The following SCARA5 variants were observed in gnomAD, a reference collection of about 807,000 sequenced individuals.
SCARA5 encodes the protein scavenger receptor class A, member 5 (putative).
In SCARA5, 45 loss-of-function variants were observed where a neutral mutation model predicts 46.3. The observed-to-expected ratio is 0.97, with a 90% CI of 0.76 to 1.24. SCARA5 has a LOEUF of 1.24. Among genes scored for constraint, SCARA5 ranks in the 50% most tolerant of loss-of-function variants. The probability of loss-of-function intolerance (pLI) is 0.00; values close to 1 mark genes in which losing one functional copy is unlikely to be tolerated. For synonymous variants in SCARA5, 333 were observed against 306.5 expected, an observed-to-expected ratio of 1.09 and a Z score of -0.90; for missense variants, 680 against 689.0, an observed-to-expected ratio of 0.99 and a Z score of 0.15.
At chr8:27,901,721 G>A (rs1257402831) in intron 7 of SCARA5, among the ~76,000 whole-genome samples, 3 of 152,274 alleles carry the variant, frequency 2.0e-5, no homozygotes, top group South Asian at 2.1e-4. Flanking sequence ...GCCCTGAATC[G>A]TGACAACTAT....
chr8:27,980,518 G>C (rs1015491954), intron 2 of SCARA5, among the ~76,000 whole-genome samples: 2 of 152,128 alleles, frequency 1.3e-5, no homozygotes, highest in Non-Finnish European at 2.9e-5. Context: ...CATGGCCTAG[G>C]GCTGGGGCTT....
chr8:27,961,035 C>T (rs1310702929), intron 3 of SCARA5, among the ~76,000 whole-genome samples: 3 of 152,210 alleles, frequency 2.0e-5, no homozygotes, highest in African/African-American at 4.8e-5. Context: ...AGAGCCTTCA[C>T]AGATAACCTG....
Position 27,885,704 on chromosome 8 carries a change from C to T in SCARA5, c.1154-5938G>A, listed in dbSNP as rs142901359. ...ACACTTCTAATCACATACTTGCTGC[C>T]TTCTCTACTTGAGATGACTCTGGAT... On this transcript the variant is annotated intron_variant, in intron 7 of 8. Transcript: ENST00000354914. Among the ~76,000 whole-genome samples the T allele has an allele frequency of 4.1e-3, 631 of 152,238 alleles. 1 individual carries two copies. Among genetic ancestry groups the T allele is most frequent in the African/African-American group, 0.014 (588 of 41,534 alleles).
At chr8:27,944,119 T>C (rs1023375353) in intron 3 of SCARA5, among the ~76,000 whole-genome samples, 1 of 152,154 alleles carries the variant, frequency 6.6e-6, no homozygotes, top group Non-Finnish European at 1.5e-5. Context: ...CTTTAAAATG[T>C]CCATGTCATG....
chr8:27,922,875 C>G (rs1807621595), intron 3 of SCARA5, among the ~76,000 whole-genome samples: 1 of 152,190 alleles, frequency 6.6e-6, no homozygotes. Context: ...TTTGAGGGAG[C>G]TGTTTGCCCT....
chr8:27,982,838 A>G (rs1808645237), intron 2 of SCARA5, among the ~76,000 whole-genome samples: 1 of 152,086 alleles, frequency 6.6e-6, no homozygotes, highest in African/African-American at 2.4e-5. Context: ...TCCTCTTCCC[A>G]TCTCACCTGG....
At chr8:27,897,146 A>G (rs775336939) in intron 7 of SCARA5, among the ~76,000 whole-genome samples, 1 of 152,090 alleles carries the variant, frequency 6.6e-6, no homozygotes, top group African/African-American at 2.4e-5. Context: ...AGTAAGTCCA[A>G]CTAGATAGCT....
chr8:27,918,615 A>T (rs1447968779), intron 4 of SCARA5, among the ~76,000 whole-genome samples: 1 of 147,910 alleles, frequency 6.8e-6, no homozygotes, highest in African/African-American at 2.5e-5. Flanking sequence ...GAGGAGGAAG[A>T]GGAGGGGGAG....
chr8:27,900,950 T>C (rs914929497), intron 7 of SCARA5, among the ~76,000 whole-genome samples: 10 of 151,756 alleles, frequency 6.6e-5, no homozygotes, highest in Admixed American at 6.6e-4. Flanking sequence ...GCTGGGTGAT[T>C]TTGGGGATTC....
In SCARA5 at chr8:27,870,214, GTTTT is replaced by G. The variant is rs11321344; in HGVS notation, c.*1716_*1719del. ...TTCAATGTGGCATCTTTCACCTTTA[GTTTT>G]TTTTTTTTTTTTTTTTTAACTTAAA... is the stretch of plus-strand genomic sequence containing the variant. On this transcript the variant is annotated 3_prime_UTR_variant, in exon 9 of 9. Transcript: ENST00000354914. 3.8e-5 allele frequency: 5 copies of G among 129,928 alleles called. No homozygotes were observed. Among genetic ancestry groups the G allele is most frequent in the Non-Finnish European group, 3.3e-5 (2 of 61,228 alleles). 8.0% of individuals were successfully genotyped at this position (129,928 alleles called of 1,614,324 possible).
At chr8:27,931,125 G>A (rs1807765749) in intron 3 of SCARA5, among the ~76,000 whole-genome samples, 1 of 152,232 alleles carries the variant, frequency 6.6e-6, no homozygotes, top group Non-Finnish European at 1.5e-5. Flanking sequence ...CAAGAAAGAA[G>A]TTATCAGTAG....
intron 3 of SCARA5, among the ~76,000 whole-genome samples, chr8:27,960,466 G>C (rs1232401280): frequency 6.6e-6 from 1 of 152,166 alleles, no homozygotes; most frequent in Non-Finnish European, 1.5e-5. Flanking sequence ...ATGAGCCACT[G>C]TCCCAGCCTA....
intron 7 of SCARA5, among the ~76,000 whole-genome samples, chr8:27,882,050 TC>T (rs1188055061): frequency 6.6e-6 from 1 of 152,234 alleles, no homozygotes; most frequent in Non-Finnish European, 1.5e-5. Context: ...CTCTCCCTCC[TC>T]CCTACCCCTG....
chr8:27,930,254 A>G (rs1181512326), intron 3 of SCARA5, among the ~76,000 whole-genome samples: 1 of 152,146 alleles, frequency 6.6e-6, no homozygotes, highest in African/African-American at 2.4e-5. Flanking sequence ...TTCTCATGAC[A>G]GTGAATAAGT....
chr8:27,889,777 C>T (rs186097323), intron 7 of SCARA5, among the ~76,000 whole-genome samples: 1 of 152,304 alleles, frequency 6.6e-6, no homozygotes, highest in East Asian at 1.9e-4. Flanking sequence ...TGAAGCACAG[C>T]CATTGCTGAG....
intron 3 of SCARA5, among the ~76,000 whole-genome samples, chr8:27,956,649 C>T (rs1808212350): frequency 6.6e-6 from 1 of 152,202 alleles, no homozygotes; most frequent in African/African-American, 2.4e-5. Context: ...CTCAGGTTTT[C>T]CTAGTTCTCA....
At chr8:27,979,549 G>T (rs1808582744) in intron 2 of SCARA5, among the ~76,000 whole-genome samples, 1 of 151,280 alleles carries the variant, frequency 6.6e-6, no homozygotes, top group Admixed American at 6.6e-5. Flanking sequence ...TGCAGAGCCT[G>T]CCTGACTTTT....
chr8:27,907,128 A>G lies in SCARA5; in HGVS notation c.1096+20T>C, dbSNP rs1049558610. ...CTGGGACTGGTGGTGAGGCTCAGGGAGAACTGAGATTGTTATTACCTTTGA... is the reference window on the plus strand; with the variant it reads ...CTGGGACTGGTGGTGAGGCTCAGGGGGAACTGAGATTGTTATTACCTTTGA... On this transcript the variant is annotated intron_variant, in intron 6 of 8. Transcript: ENST00000354914. The G allele has an allele frequency of 3.8e-6, 6 of 1,575,968 alleles. No homozygotes were observed. Among genetic ancestry groups the G allele is most frequent in the Admixed American group, 3.4e-5 (2 of 59,216 alleles).
intron 3 of SCARA5, among the ~76,000 whole-genome samples, chr8:27,962,744 T>C (rs994023097): frequency 6.6e-6 from 1 of 152,208 alleles, no homozygotes; most frequent in African/African-American, 2.4e-5. Flanking sequence ...CTTTGTATAA[T>C]TTGGCAACAG....
Sources: gnomAD v4.1 joint callset for allele counts (sites outside exome capture counted in the v4.1 genomes callset) on GRCh38, gnomAD v4.1.1 for gene constraint, MANE v1.5 for transcripts, NCBI Gene and HGNC (gene_info 2026-07-23, HGNC 2026-07-21) for gene names.